Variants in PLEKHG1 observed in about 807,000 individuals in gnomAD.
The protein encoded by PLEKHG1 is pleckstrin homology and RhoGEF domain containing G1, also known as pleckstrin homology domain-containing family G member 1.
A neutral mutation model predicts 100.8 loss-of-function variants in PLEKHG1; 44 were observed. The ratio of observed to expected loss-of-function variants is 0.44; its 90% CI spans 0.34 to 0.56. The LOEUF (loss-of-function observed/expected upper bound fraction) is 0.56, where lower values mean the gene tolerates loss of function less well. PLEKHG1 is among the 20% of genes least tolerant of loss of function. The pLI, the probability that PLEKHG1 is intolerant of heterozygous loss-of-function variation, is 0.01. For synonymous variants in PLEKHG1, 640 were observed against 662.5 expected, an observed-to-expected ratio of 0.97 and a Z score of 0.52; for missense variants, 1,545 against 1,720.9, an observed-to-expected ratio of 0.90 and a Z score of 1.81.
chr6:150,819,771 T>C, exon 12 of PLEKHG1: 1 of 1,571,076 alleles, frequency 6.4e-7, no homozygotes, highest in South Asian at 1.1e-5. Flanking sequence ...GAGAAGAAAA[T>C]CTGGTAAGTA....
At chr6:150,787,581 C>T (rs1045728488) in intron 4 of PLEKHG1, among the ~76,000 whole-genome samples, 3 of 152,156 alleles carry the variant, frequency 2.0e-5, no homozygotes, top group Non-Finnish European at 4.4e-5. Context: ...TTCATGATGG[C>T]GCTTTGAGAC....
At chr6:150,662,750 G>A (rs897994989) in intron 3 of PLEKHG1, 1 of 152,230 alleles carries the variant, frequency 6.6e-6, no homozygotes, top group Non-Finnish European at 1.5e-5. Context: ...GCAGGAACCG[G>A]TGAGGCTGTG....
At chr6:150,835,534 C>T (rs1247568153) in intron 15 of PLEKHG1, among the ~76,000 whole-genome samples, 1 of 152,114 alleles carries the variant, frequency 6.6e-6, no homozygotes, top group Non-Finnish European at 1.5e-5. Flanking sequence ...AGGCAATAAA[C>T]CAGAGACATT....
At chr6:150,615,562 A>T (rs551887829) in intron 1 of PLEKHG1, among the ~76,000 whole-genome samples, 5 of 152,210 alleles carry the variant, frequency 3.3e-5, no homozygotes, top group Non-Finnish European at 4.4e-5. Flanking sequence ...TAAATCTTAT[A>T]TATTGATTTA....
intron 1 of PLEKHG1, among the ~76,000 whole-genome samples, chr6:150,635,827 T>A (rs1173387930): frequency 2.0e-5 from 3 of 152,180 alleles, no homozygotes; most frequent in Non-Finnish European, 4.4e-5. Flanking sequence ...ATTGCAGTGA[T>A]CTGGCCAGGA....
At chr6:150,738,215 A>G (rs1782677602) in intron 2 of PLEKHG1, among the ~76,000 whole-genome samples, 1 of 152,180 alleles carries the variant, frequency 6.6e-6, no homozygotes, top group Non-Finnish European at 1.5e-5. Flanking sequence ...CTGACTTTGT[A>G]CACTCTGCTT....
At chr6:150,759,782 A>T (rs1249342068) in intron 2 of PLEKHG1, among the ~76,000 whole-genome samples, 2 of 152,098 alleles carry the variant, frequency 1.3e-5, no homozygotes, top group Non-Finnish European at 1.5e-5. Context: ...AGGTGGGAGG[A>T]TCACTTGAGG....
intron 1 of PLEKHG1, among the ~76,000 whole-genome samples, chr6:150,722,325 CCTTTT>C (rs10609723): frequency 0.17 from 23,646 of 141,450 alleles, 2,853 homozygotes; most frequent in African/African-American, 0.35. Flanking sequence ...TTCTCTGCCT[CCTTTT>C]CTTTTTTCTT....
chr6:150,757,464 T>C (rs572292018), intron 2 of PLEKHG1, among the ~76,000 whole-genome samples: 1 of 152,354 alleles, frequency 6.6e-6, no homozygotes, highest in Admixed American at 6.5e-5. Flanking sequence ...TGGTGAAGGC[T>C]TTTAAGCCAT....
chr6:150,833,064 A>G (rs1023190821), intron 15 of PLEKHG1, among the ~76,000 whole-genome samples: 2 of 134,684 alleles, frequency 1.5e-5, no homozygotes, highest in African/African-American at 2.7e-5. Context: ...TTTTTTTGAG[A>G]TAGGGTCTGG....
At chr6:150,614,258 TG>T (rs1202103771) in intron 1 of PLEKHG1, among the ~76,000 whole-genome samples, 5 of 152,226 alleles carry the variant, frequency 3.3e-5, no homozygotes, top group Admixed American at 3.3e-4. Flanking sequence ...CTGACTCTAT[TG>T]CCTCAGAAGG....
intron 3 of PLEKHG1, among the ~76,000 whole-genome samples, chr6:150,783,169 T>TAAAAAAAAAAAAAAAAGGGAAAAAAAAAC (rs1785418810): frequency 1.3e-5 from 1 of 79,460 alleles, no homozygotes; most frequent in Non-Finnish European, 2.8e-5. Flanking sequence ...GAAAAAAAAC[T>TAAAAAAAAAAAAAAAAGGGAAAAAAAAAC]AAAAAAAAAA....
intron 1 of PLEKHG1, among the ~76,000 whole-genome samples, chr6:150,634,862 T>C (rs1352198882): frequency 6.6e-6 from 1 of 152,222 alleles, no homozygotes; most frequent in East Asian, 1.9e-4. Context: ...TACAAGGCTG[T>C]GGTTTGTAGC....
At chr6:150,679,352 G>A (rs1779861981) in intron 3 of PLEKHG1, among the ~76,000 whole-genome samples, 1 of 152,182 alleles carries the variant, frequency 6.6e-6, no homozygotes, top group Non-Finnish European at 1.5e-5. Flanking sequence ...CAGCAATATA[G>A]CATTTCTCAG....
intron 3 of PLEKHG1, among the ~76,000 whole-genome samples, chr6:150,673,945 G>A (rs1027120391): frequency 5.3e-5 from 8 of 152,116 alleles, no homozygotes; most frequent in South Asian, 4.1e-4. Context: ...AATTATGGGC[G>A]TGTGCCACCG....
chr6:150,680,635 G>C (rs1279805965), intron 3 of PLEKHG1, among the ~76,000 whole-genome samples: 3 of 152,216 alleles, frequency 2.0e-5, no homozygotes, highest in Non-Finnish European at 4.4e-5. Flanking sequence ...ACAGTGCTTA[G>C]TATGAAAACA....
intron 13 of PLEKHG1, among the ~76,000 whole-genome samples, chr6:150,822,633 T>C (rs1776369544): frequency 6.6e-6 from 1 of 152,070 alleles, no homozygotes; most frequent in African/African-American, 2.4e-5. Context: ...TTCACAAGAG[T>C]GTCCACGTAT....
intron 5 of PLEKHG1, among the ~76,000 whole-genome samples, chr6:150,800,104 T>A (rs1039489541): frequency 6.6e-6 from 1 of 152,134 alleles, no homozygotes; most frequent in African/African-American, 2.4e-5. Context: ...GTATCACTTA[T>A]AAGGTTAACA....
intron 7 of PLEKHG1, among the ~76,000 whole-genome samples, chr6:150,805,510 C>G (rs1459349450): frequency 6.6e-6 from 1 of 151,870 alleles, no homozygotes; most frequent in Non-Finnish European, 1.5e-5. Flanking sequence ...ACCTGACCCT[C>G]CAGCATGTCA....
Sources: allele counts gnomAD v4.1 joint callset (sites outside exome capture counted in the v4.1 genomes callset), GRCh38; gene constraint gnomAD v4.1.1; transcripts MANE v1.5; gene names NCBI Gene and HGNC (gene_info 2026-07-23, HGNC 2026-07-21).